The following NXNL2 variants were observed in gnomAD, a reference collection of about 807,000 sequenced individuals.
NXNL2 encodes the protein nucleoredoxin-like protein 2.
Under a neutral mutation model 11.1 loss-of-function variants are expected in NXNL2, and 7 were observed. The observed-to-expected ratio is 0.63, with a 90% CI of 0.36 to 1.18. NXNL2 has a LOEUF of 1.18. NXNL2 is among the 50% of genes most tolerant of loss of function. The pLI is 0.02. For missense variants in NXNL2, 233 were observed against 217.7 expected, an observed-to-expected ratio of 1.07 and a Z score of -0.44; for synonymous variants, 109 against 101.8, an observed-to-expected ratio of 1.07 and a Z score of -0.42.
At position 88,544,635 on chromosome 9, in the gene NXNL2, C is replaced by A; in HGVS notation, c.*88C>A. On this transcript the variant is annotated 3_prime_UTR_variant, in exon 2 of 2. Coordinates refer to ENST00000375854, the MANE Select transcript of NXNL2 (RefSeq NM_001161625.2). ...AGAGGAGCATGTTGGGTTCCTTCCTCTGTTGGTGTGATTTCATTGTATTTC... is the reference window on the plus strand; with the variant it reads ...AGAGGAGCATGTTGGGTTCCTTCCTATGTTGGTGTGATTTCATTGTATTTC... The A allele has an allele frequency of 6.9e-7, 1 of 1,441,948 alleles. No individual in the cohort carries two copies. Among genetic ancestry groups the A allele is most frequent in the Non-Finnish European group, 9.1e-7 (1 of 1,095,176 alleles). The allele number at this position is 1,441,948 out of a possible 1,614,324, so 89.3% of individuals were successfully genotyped here.
chr9:88,564,453 G>C (rs549698922), intron 1 of NXNL2, among the ~76,000 whole-genome samples: 10 of 151,852 alleles, frequency 6.6e-5, no homozygotes, highest in Admixed American at 1.3e-4. Flanking sequence ...TTTCACTCTT[G>C]TCGCCCAGGC....
chr9:88,573,446 A>G (rs949246132), intron 2 of NXNL2, among the ~76,000 whole-genome samples: 8 of 152,224 alleles, frequency 5.3e-5, no homozygotes, highest in Non-Finnish European at 1.0e-4. Flanking sequence ...GCCTGGCCAT[A>G]CAGTAGTCTT....
intron 2 of NXNL2, among the ~76,000 whole-genome samples, chr9:88,571,846 A>G (rs1354986905): frequency 6.6e-6 from 1 of 152,146 alleles, no homozygotes; most frequent in Non-Finnish European, 1.5e-5. Flanking sequence ...TTGCCCATTT[A>G]ACGTCTCCAC....
At chr9:88,571,913 C>T (rs919336631) in intron 2 of NXNL2, among the ~76,000 whole-genome samples, 3 of 152,130 alleles carry the variant, frequency 2.0e-5, no homozygotes, top group African/African-American at 7.2e-5. Context: ...ACATTTTCAC[C>T]ATCAGAGGGC....
Position 88,544,721 on chromosome 9 carries a change from A to G in NXNL2, c.*174A>G. ...TATTGCTCAGGAAATAATACACTCC[A>G]TATTTTGATCATGCAGGCTGTTTGT... On this transcript the variant is annotated 3_prime_UTR_variant, in exon 2 of 2. Transcript: ENST00000375854. The G allele has an allele frequency of 1.4e-6, 2 of 1,383,444 alleles. No individual in the cohort carries two copies. Among genetic ancestry groups the G allele is most frequent in the Non-Finnish European group, 1.9e-6 (2 of 1,073,360 alleles). 85.7% of individuals were successfully genotyped at this position (1,383,444 alleles called of 1,614,324 possible).
At chr9:88,571,542 C>T (rs529566799) in intron 2 of NXNL2, among the ~76,000 whole-genome samples, 4 of 152,310 alleles carry the variant, frequency 2.6e-5, no homozygotes, top group Non-Finnish European at 5.9e-5. Flanking sequence ...TGTTGAAATT[C>T]TCTTTCTCTC....
chr9:88,571,126 C>T (rs527683762), exon 2 of NXNL2: 31 of 393,802 alleles, frequency 7.9e-5, no homozygotes, highest in African/African-American at 1.1e-4. Flanking sequence ...AGTGCAGTGG[C>T]GTGATCTTAG....
chr9:88,545,690 G>A (rs145077845), downstream of NXNL2, among the ~76,000 whole-genome samples: 155 of 151,962 alleles, frequency 1.0e-3, no homozygotes, highest in African/African-American at 3.6e-3. Context: ...ATTGTTATTC[G>A]TGCCCCAAAT....
At chr9:88,559,285 TG>T (rs1172133638) in intron 1 of NXNL2, among the ~76,000 whole-genome samples, 3 of 152,130 alleles carry the variant, frequency 2.0e-5, no homozygotes, top group African/African-American at 7.2e-5. Context: ...ATGGCAAGTA[TG>T]ATCAATGCCA....
At position 88,535,229 on chromosome 9, in the gene NXNL2, G is replaced by A. The variant is rs1564063879; in HGVS notation, c.-206G>A. The A allele has an allele frequency of 1.8e-6, 1 of 565,540 alleles. No individual in the cohort carries two copies. The highest frequency in any genetic ancestry group is 3.2e-5 in the East Asian group (1 of 31,500). 35.0% of individuals were successfully genotyped at this position (565,540 alleles called of 1,614,324 possible). A position where few individuals can be genotyped will look rare whatever the true frequency, so the allele number is the denominator to read the frequency against. On this transcript the variant is annotated 5_prime_UTR_variant, in exon 1 of 2. In the 5' UTR this introduces an upstream ATG that the reference lacks. Transcript: ENST00000375854. ...GGTATCTGGGGTCTCTGGTGTCTGA[G>A]TGTCTCATTGTCGGCGCGAACACAA...
chr9:88,571,781 G>C (rs934429960), intron 2 of NXNL2, among the ~76,000 whole-genome samples: 3 of 152,148 alleles, frequency 2.0e-5, no homozygotes, highest in African/African-American at 7.2e-5. Flanking sequence ...GAACACCTGG[G>C]GGCATCTCAC....
chr9:88,553,828 C>T (rs1419787395), intron 1 of NXNL2, among the ~76,000 whole-genome samples: 1 of 152,150 alleles, frequency 6.6e-6, no homozygotes, highest in African/African-American at 2.4e-5. Flanking sequence ...TAAGAGACAT[C>T]ACTTTTCATT....
intron 1 of NXNL2, among the ~76,000 whole-genome samples, chr9:88,557,569 G>A (rs1385417494): frequency 6.6e-6 from 1 of 152,210 alleles, no homozygotes; most frequent in Non-Finnish European, 1.5e-5. Flanking sequence ...CCTATACCCT[G>A]TGTTCAGGTG....
chr9:88,535,802 CCCCT>C (rs1468266482), intron 1 of NXNL2, 66 bp downstream of exon 1: 1 of 1,335,396 alleles, frequency 7.5e-7, no homozygotes, highest in Non-Finnish European at 1.0e-6. Context: ...CCCAGGCCTC[CCCCT>C]CTGCACTGGG....
chr9:88,536,836 C>A (rs985297796), intron 1 of NXNL2, among the ~76,000 whole-genome samples: 10 of 152,220 alleles, frequency 6.6e-5, no homozygotes, highest in Middle Eastern at 3.4e-3. Flanking sequence ...CTTCTGGGAG[C>A]CTCACTCACA....
chr9:88,564,512 G>A (rs1223111721), intron 1 of NXNL2, among the ~76,000 whole-genome samples: 1 of 152,088 alleles, frequency 6.6e-6, no homozygotes, highest in Non-Finnish European at 1.5e-5. Context: ...CGCCTCCAGG[G>A]TTCAAGTGAT....
In NXNL2 at chr9:88,542,094, A is replaced by C. The variant is rs544372304; in HGVS notation, c.303-2285A>C. ...AAAAATACAAAAAAATTAGCCAGGC[A>C]TGGTGGTGGGCGCCTGTAGTCCCAG... On this transcript the variant is annotated intron_variant, in intron 1 of 1. Coordinates refer to ENST00000375854, the MANE Select transcript of NXNL2 (RefSeq NM_001161625.2). 6.3e-4 allele frequency among the ~76,000 whole-genome samples: 95 copies of C among 151,224 alleles called. 1 individual carries two copies. In the East Asian group the frequency reaches 0.017, roughly 27 times the overall value.
chr9:88,546,765 G>A (rs558417813), downstream of NXNL2, among the ~76,000 whole-genome samples: 7 of 152,134 alleles, frequency 4.6e-5, no homozygotes, highest in South Asian at 1.0e-3. Flanking sequence ...TTGACGTAAG[G>A]CAAAGTATTC....
chr9:88,564,991 T>G (rs1830147153), intron 1 of NXNL2, among the ~76,000 whole-genome samples: 1 of 152,160 alleles, frequency 6.6e-6, no homozygotes, highest in Non-Finnish European at 1.5e-5. Flanking sequence ...AGATGAAACT[T>G]CATATCCATT....
Sources: gnomAD v4.1 joint callset for allele counts (sites outside exome capture counted in the v4.1 genomes callset) on GRCh38, gnomAD v4.1.1 for gene constraint, MANE v1.5 for transcripts, NCBI Gene and HGNC (gene_info 2026-07-23, HGNC 2026-07-21) for gene names.